Variants in CIITA observed in about 807,000 individuals in gnomAD.
CIITA encodes class II major histocompatibility complex transactivator.
Under a neutral mutation model 115.1 loss-of-function variants are expected in CIITA, and 72 were observed. The observed-to-expected ratio is 0.63, with a 90% confidence interval of 0.52 to 0.76. The LOEUF is 0.76. Among genes scored for constraint, CIITA ranks in the 30% least tolerant of loss-of-function variants. The pLI is 0.00. For missense variants in CIITA, 1,617 were observed against 1,463.8 expected (o/e 1.10, Z -1.71); for synonymous variants, 763 against 635.6 (o/e 1.20, Z -3.02).
intron 1 of CIITA, chr16:10,888,271 G>A (rs2037163364): frequency 6.6e-6 from 1 of 152,164 alleles, no homozygotes; most frequent in South Asian, 2.1e-4. Flanking sequence ...CCACTTTACA[G>A]ATAAGGAAAC....
At chr16:10,882,937 G>A (rs1427526593) in intron 1 of CIITA, among the ~76,000 whole-genome samples, 1 of 152,164 alleles carries the variant, frequency 6.6e-6, no homozygotes, top group Non-Finnish European at 1.5e-5. Flanking sequence ...GGGCCCGGCT[G>A]CAGACTCCCT....
Position 10,936,133 on chromosome 16 carries a change from G to C in CIITA, c.*12278G>C, listed in dbSNP as rs2041013590. On this transcript the variant is annotated 3_prime_UTR_variant, in exon 20 of 20. Coordinates refer to ENST00000324288, the MANE Select transcript of CIITA (RefSeq NM_000246.4). ...AGCCTTCCGAGTAACTGGGACTATG[G>C]GCGTGTACCACAACACCTCGCTATT... is the stretch of plus-strand genomic sequence containing the variant. 1 of 152,014 alleles carries C rather than the reference G, an allele frequency of 6.6e-6. No homozygotes were observed. Among genetic ancestry groups the C allele is most frequent in the Non-Finnish European group, 1.5e-5 (1 of 68,018 alleles). The allele number at this position is 152,014 out of a possible 1,614,324, so 9.4% of individuals were successfully genotyped here. A position where few individuals can be genotyped will look rare whatever the true frequency, so the allele number is the denominator to read the frequency against.
chr16:10,915,819 A>G (rs2039912905), intron 14 of CIITA, among the ~76,000 whole-genome samples, 169 bp downstream of exon 14: 1 of 152,158 alleles, frequency 6.6e-6, no homozygotes, highest in South Asian at 2.1e-4. Context: ...CTGGGTTTTG[A>G]CAACCCCAAA....
At position 10,922,270 on chromosome 16, in the gene CIITA, C is replaced by T. The variant is rs767262997; in HGVS notation, c.3233+20C>T. The stretch of plus-strand genomic sequence containing the variant: ...GATGGAGTGAGTGTGGGAGTCTGGG[C>T]GGTGGGTGGCTCAGCCCGGGGTGGG... On this transcript the variant is annotated intron_variant, in intron 17 of 19. Transcript: ENST00000324288. 1.8e-5 allele frequency: 29 copies of T among 1,612,360 alleles called. No homozygotes were observed. The highest frequency in any genetic ancestry group is 1.6e-4 in the Middle Eastern group (1 of 6,082).
Position 10,898,742 on chromosome 16 carries a change from T to C in CIITA, c.358+10T>C. On this transcript the variant is annotated intron_variant, in intron 4 of 19. Coordinates refer to ENST00000324288, the MANE Select transcript of CIITA (RefSeq NM_000246.4). The stretch of plus-strand genomic sequence containing the variant: ...AGCAAGGACATTTTCAGTAAGTTTG[T>C]GGTGGGTGGGGAGGTCTTGGCTCAG... 1 of 1,611,424 alleles carries C rather than the reference T, an allele frequency of 6.2e-7. No individual in the cohort carries two copies. Among genetic ancestry groups the C allele is most frequent in the Non-Finnish European group, 8.5e-7 (1 of 1,178,858 alleles).
intron 16 of CIITA, 85 bp from the exon 17 acceptor site, chr16:10,922,082 T>C (rs1042329667): frequency 2.4e-6 from 3 of 1,237,434 alleles, no homozygotes; most frequent in African/African-American, 3.0e-5. Context: ...GACCAGGCTT[T>C]TTCTGGAATC....
chr16:10,910,655 G>A (rs944026670), intron 13 of CIITA, among the ~76,000 whole-genome samples: 2 of 152,230 alleles, frequency 1.3e-5, no homozygotes, highest in Admixed American at 6.5e-5. Context: ...TGAGTGGGGA[G>A]AGGGGAGTAA....
chr16:10,935,620 G>A lies in CIITA; in HGVS notation c.*11765G>A, dbSNP rs1445815012. On this transcript the variant is annotated 3_prime_UTR_variant, in exon 20 of 20. Coordinates refer to ENST00000324288, the MANE Select transcript of CIITA (RefSeq NM_000246.4). Reference sequence around the variant, plus strand: ...AAGGGAATAATAGTAACTTGACAGTGGAGAGACCTGGCAGACACCACCTTC... The same window carrying A: ...AAGGGAATAATAGTAACTTGACAGTAGAGAGACCTGGCAGACACCACCTTC... 6.6e-6 allele frequency: 1 copy of A among 152,210 alleles called. No homozygotes were observed. Among genetic ancestry groups the A allele is most frequent in the Non-Finnish European group, 1.5e-5 (1 of 68,042 alleles). 9.4% of individuals were successfully genotyped at this position (152,210 alleles called of 1,614,324 possible).
intron 8 of CIITA, 79 bp downstream of exon 8, chr16:10,902,880 T>G: frequency 1.3e-6 from 2 of 1,555,410 alleles, no homozygotes. Context: ...CCATACTCCA[T>G]GCACTTGGCA....
chr16:10,927,576 TTGGCCAG>T lies in CIITA; in HGVS notation c.*3723_*3729del, dbSNP rs2145250164. 6.6e-6 allele frequency: 1 copy of T among 152,228 alleles called. No homozygotes were observed. The highest frequency in any genetic ancestry group is 1.5e-5 in the Non-Finnish European group (1 of 68,004). The allele number at this position is 152,228 out of a possible 1,614,324, so 9.4% of individuals were successfully genotyped here. A position where few individuals can be genotyped will look rare whatever the true frequency, so the allele number is the denominator to read the frequency against. On this transcript the variant is annotated 3_prime_UTR_variant, in exon 20 of 20. Transcript: ENST00000324288. ...CTTTGGACAGGGCTGCCAGGTGAGG[TTGGCCAG>T]TCTGTACACTGCACAAAGGCACCTG...
chr16:10,892,234 G>A (rs2037666760), intron 1 of CIITA, among the ~76,000 whole-genome samples: 1 of 152,026 alleles, frequency 6.6e-6, no homozygotes, highest in South Asian at 2.1e-4. Context: ...TGAAGCAGGA[G>A]AATTGCTTGA....
chr16:10,892,737 AGC>A (rs2037722782), intron 1 of CIITA, among the ~76,000 whole-genome samples: 2 of 152,224 alleles, frequency 1.3e-5, no homozygotes, highest in South Asian at 4.1e-4. Context: ...GTTCAAGACC[AGC>A]GTGGCCAACA....
At position 10,907,172 on chromosome 16, in the gene CIITA, C is replaced by G. The variant is rs374666560; in HGVS notation, c.1680C>G (p.Ala560=). 1 of 1,613,174 alleles carries G rather than the reference C, an allele frequency of 6.2e-7. No individual in the cohort carries two copies. The highest frequency in any genetic ancestry group is 8.5e-7 in the Non-Finnish European group (1 of 1,179,884). Residue 560 remains alanine (A), a synonymous_variant, in exon 11 of 20, where the codon GCC becomes GCG. Coordinates refer to ENST00000324288, the MANE Select transcript of CIITA (RefSeq NM_000246.4). The surrounding 1 kb of genome is among the most constrained non-coding windows in gnomAD (Gnocchi z 5.0). ...GCCTGGTCCAGAGCCTGAGCAAGGC[C>G]GACGCCCTATTTGAGCTGTCCGGCT... The part of the protein sequence containing the change: ...RGRLVQSLSK[A]DALFELSGFS...
chr16:10,906,382 C>G (rs1022219803), intron 10 of CIITA, 117 bp from the exon 11 acceptor site: 2 of 1,273,924 alleles, frequency 1.6e-6, no homozygotes, highest in Admixed American at 1.9e-5. Context: ...AACAAACAAA[C>G]AAAAAAACTG....
intron 1 of CIITA, 24 bp downstream of exon 1, chr16:10,877,406 T>A: frequency 6.2e-7 from 1 of 1,607,862 alleles, no homozygotes; most frequent in Non-Finnish European, 8.5e-7. Context: ...GAAAGCATCT[T>A]AATTTAGCGT....
chr16:10,891,872 C>T (rs926812985), intron 1 of CIITA, among the ~76,000 whole-genome samples: 4 of 152,164 alleles, frequency 2.6e-5, no homozygotes, highest in African/African-American at 7.2e-5. Context: ...CGCTGCAAGC[C>T]GGTTATGTTT....
At chr16:10,906,389 A>T in intron 10 of CIITA, 110 bp from the exon 11 acceptor site, 1 of 1,308,820 alleles carries the variant, frequency 7.6e-7, no homozygotes, top group Non-Finnish European at 1.1e-6. Flanking sequence ...AAACAAAAAA[A>T]CTGTGTGGGG....
chr16:10,919,098 C>G (rs1030319723), intron 16 of CIITA, among the ~76,000 whole-genome samples: 1 of 152,222 alleles, frequency 6.6e-6, no homozygotes, highest in Non-Finnish European at 1.5e-5. Flanking sequence ...AAACTGCTCT[C>G]CTCTTCGCCA....
intron 18 of CIITA, chr16:10,922,864 A>T (rs1046813553): frequency 8.1e-5 from 40 of 496,106 alleles, no homozygotes; most frequent in Non-Finnish European, 1.3e-4. Context: ...AGTCACCATG[A>T]TGTCCAATAC....
Sources: allele counts gnomAD v4.1 joint callset (sites outside exome capture counted in the v4.1 genomes callset), GRCh38; gene constraint gnomAD v4.1.1; non-coding constraint Gnocchi (gnomAD v3.1); transcripts MANE v1.5; gene names NCBI Gene and HGNC (gene_info 2026-07-23, HGNC 2026-07-21).